Variants in GALNTL6 observed in about 807,000 individuals in gnomAD.
GALNTL6 encodes polypeptide N-acetylgalactosaminyltransferase like 6, also known as polypeptide N-acetylgalactosaminyltransferase-like 6.
GALNTL6 carries 46 observed loss-of-function variants against 73.7 expected under a neutral mutation model. That is an observed-to-expected ratio of 0.62 (90% CI 0.49 to 0.80). The LOEUF is 0.80. Among genes scored for constraint, GALNTL6 ranks in the 30% least tolerant of loss-of-function variants. The probability of loss-of-function intolerance (pLI) is 0.00; values close to 1 mark genes in which losing one functional copy is unlikely to be tolerated. For synonymous variants in GALNTL6, 259 were observed against 263.7 expected, an observed-to-expected ratio of 0.98 and a Z score of 0.17; for missense variants, 604 against 755.0, an observed-to-expected ratio of 0.80 and a Z score of 2.34.
chr4:173,017,965 G>A (rs1406343358), intron 11 of GALNTL6, among the ~76,000 whole-genome samples: 1 of 152,180 alleles, frequency 6.6e-6, no homozygotes, highest in Non-Finnish European at 1.5e-5. Context: ...ACAGAAGCAA[G>A]ACACTCATTT....
chr4:172,482,172 G>A (rs956941086), intron 5 of GALNTL6, among the ~76,000 whole-genome samples: 25 of 152,316 alleles, frequency 1.6e-4, no homozygotes, highest in Non-Finnish European at 2.8e-4. Flanking sequence ...CAGAGGGCAG[G>A]ACCTGCCGAG....
chr4:171,838,115 T>TTTAC (rs2110837794), intron 2 of GALNTL6, among the ~76,000 whole-genome samples: 1 of 151,474 alleles, frequency 6.6e-6, no homozygotes, highest in East Asian at 1.9e-4. Context: ...TGTCTATTTA[T>TTTAC]TTATTTATTT....
At chr4:172,085,507 G>T (rs937919533) in intron 2 of GALNTL6, among the ~76,000 whole-genome samples, 5 of 151,792 alleles carry the variant, frequency 3.3e-5, no homozygotes, top group African/African-American at 1.2e-4. Context: ...GGGCAACATG[G>T]AGAAAGCCTC....
intron 3 of GALNTL6, among the ~76,000 whole-genome samples, chr4:172,241,594 T>C (rs960750294): frequency 2.6e-5 from 4 of 152,190 alleles, no homozygotes; most frequent in Admixed American, 2.6e-4. Flanking sequence ...AACCAATGTA[T>C]TGGTAGAAGA....
At chr4:172,788,202 C>CA (rs1553989011) in intron 5 of GALNTL6, among the ~76,000 whole-genome samples, 1 of 127,950 alleles carries the variant, frequency 7.8e-6, no homozygotes, top group African/African-American at 2.7e-5. Flanking sequence ...AACAAACAAA[C>CA]AAAAAACACA....
intron 5 of GALNTL6, among the ~76,000 whole-genome samples, chr4:172,437,410 A>G (rs1731673638): frequency 6.6e-6 from 1 of 152,096 alleles, no homozygotes; most frequent in South Asian, 2.1e-4. Flanking sequence ...TGTGAGGACC[A>G]TAGATATAAG....
rs1370851763 is a variant in GALNTL6, at chr4:173,040,174, G to A, written c.*74G>A. The A allele has an allele frequency of 1.8e-6, 2 of 1,142,606 alleles. No individual in the cohort carries two copies. Among genetic ancestry groups the A allele is most frequent in the East Asian group, 4.9e-5 (2 of 40,568 alleles). 70.8% of individuals were successfully genotyped at this position (1,142,606 alleles called of 1,614,324 possible). A position where few individuals can be genotyped will look rare whatever the true frequency, so the allele number is the denominator to read the frequency against. On this transcript the variant is annotated 3_prime_UTR_variant, in exon 13 of 13. Transcript: ENST00000506823. ...TTTAGCCAGCATCTGGGTCGAAGGA[G>A]TCAGGAATAACATTTCCTCGATCCA...
At chr4:172,965,513 G>A (rs1411531582) in intron 10 of GALNTL6, among the ~76,000 whole-genome samples, 1 of 152,034 alleles carries the variant, frequency 6.6e-6, no homozygotes, top group Non-Finnish European at 1.5e-5. Flanking sequence ...AACCCAGGAG[G>A]CAGAGCTTGC....
At chr4:172,252,281 G>C (rs1737909105) in intron 3 of GALNTL6, among the ~76,000 whole-genome samples, 1 of 152,026 alleles carries the variant, frequency 6.6e-6, no homozygotes, top group African/African-American at 2.4e-5. Flanking sequence ...CTTTTTCAAG[G>C]CTCTTGGCAG....
chr4:172,377,649 C>T (rs1436672734), intron 5 of GALNTL6, among the ~76,000 whole-genome samples: 5 of 151,968 alleles, frequency 3.3e-5, no homozygotes, highest in Admixed American at 6.5e-5. Context: ...GGAGCTCGGT[C>T]ATGGTGGGCT....
intron 5 of GALNTL6, among the ~76,000 whole-genome samples, chr4:172,710,822 G>A (rs1393808680): frequency 1.3e-5 from 2 of 152,056 alleles, no homozygotes; most frequent in Admixed American, 1.3e-4. Flanking sequence ...CCAAATGAGT[G>A]CTAGAAGAAA....
intron 2 of GALNTL6, among the ~76,000 whole-genome samples, chr4:171,819,745 A>T (rs1579480960): frequency 6.6e-6 from 1 of 152,294 alleles, no homozygotes; most frequent in East Asian, 1.9e-4. Flanking sequence ...AGAAGATGTA[A>T]GTGGAATATA....
chr4:172,515,908 C>A (rs145219639), intron 5 of GALNTL6, among the ~76,000 whole-genome samples: 1 of 152,174 alleles, frequency 6.6e-6, no homozygotes, highest in Non-Finnish European at 1.5e-5. Context: ...GCACTCTGCT[C>A]GAACCCTTCA....
intron 4 of GALNTL6, among the ~76,000 whole-genome samples, chr4:172,317,412 A>T (rs1740598125): frequency 6.6e-6 from 1 of 152,242 alleles, no homozygotes; most frequent in Admixed American, 6.5e-5. Flanking sequence ...GGTTTACCAA[A>T]TCAGCGATCG....
intron 5 of GALNTL6, among the ~76,000 whole-genome samples, chr4:172,531,171 CG>C (rs1735157791): frequency 6.6e-6 from 1 of 152,074 alleles, no homozygotes. Flanking sequence ...TTCTGTTTCT[CG>C]GGGAAACTAC....
intron 8 of GALNTL6, among the ~76,000 whole-genome samples, chr4:172,890,738 A>C (rs1200603711): frequency 6.6e-6 from 1 of 152,052 alleles, no homozygotes; most frequent in Non-Finnish European, 1.5e-5. Context: ...TTAAGTCCAG[A>C]ATTTCTTTGT....
chr4:172,236,559 AAAT>A (rs1272510877), intron 3 of GALNTL6, among the ~76,000 whole-genome samples: 4 of 170 alleles, frequency 0.024, no homozygotes, highest in Admixed American at 0.12. Flanking sequence ...ACTCCGTCTC[AAAT>A]AAAAAAAAAA....
In GALNTL6 at chr4:172,728,486, GTATATGTACATATACAATGAAATA is replaced by G. The variant is rs555618426; in HGVS notation, c.554-80843_554-80820del. On this transcript the variant is annotated intron_variant, in intron 5 of 12. Coordinates refer to ENST00000506823, the MANE Select transcript of GALNTL6 (RefSeq NM_001034845.3). ...TGTTATGGCTGAATTATATTTCATT[GTATATGTACATATACAATGAAATA>G]TATATGTACATATACAATGAAATAT... 6.2e-3 allele frequency among the ~76,000 whole-genome samples: 934 copies of G among 151,782 alleles called. 9 individuals are homozygous for G. The highest frequency in any genetic ancestry group is 0.021 in the African/African-American group (889 of 41,410).
intron 5 of GALNTL6, among the ~76,000 whole-genome samples, chr4:172,574,270 T>A (rs1397607128): frequency 6.6e-6 from 1 of 152,126 alleles, no homozygotes; most frequent in Non-Finnish European, 1.5e-5. Flanking sequence ...ATTTTAAATG[T>A]ATTTTGTAAA....
Sources: gnomAD v4.1 joint callset for allele counts (sites outside exome capture counted in the v4.1 genomes callset) on GRCh38, gnomAD v4.1.1 for gene constraint, MANE v1.5 for transcripts, NCBI Gene and HGNC (gene_info 2026-07-23, HGNC 2026-07-21) for gene names.